USO1: variants seen among roughly 807,000 people sequenced by gnomAD.
USO1 encodes USO1 vesicle transport factor.
Under a neutral mutation model 124.5 loss-of-function variants are expected in USO1, and 57 were observed. The observed-to-expected ratio is 0.46, with a 90% CI of 0.37 to 0.57. The LOEUF (loss-of-function observed/expected upper bound fraction) is 0.57, where lower values mean the gene tolerates loss of function less well. Ranked by LOEUF, USO1 falls within the 20% of genes least tolerant of loss-of-function variation. The probability of loss-of-function intolerance (pLI) is 0.00; values close to 1 mark genes in which losing one functional copy is unlikely to be tolerated. For synonymous variants in USO1, 369 were observed against 362.8 expected (o/e 1.02, Z -0.19); for missense variants, 900 against 1,040.6 (o/e 0.86, Z 1.86).
chr4:75,742,241 A>G (rs973305074), intron 1 of USO1, among the ~76,000 whole-genome samples: 1 of 152,198 alleles, frequency 6.6e-6, no homozygotes, highest in Non-Finnish European at 1.5e-5. Flanking sequence ...TCTGTGCCAT[A>G]CTTTCATAAG....
intron 1 of USO1, among the ~76,000 whole-genome samples, chr4:75,737,209 TC>T (rs1720817258): frequency 6.6e-6 from 1 of 152,226 alleles, no homozygotes; most frequent in Non-Finnish European, 1.5e-5. Context: ...TGCCTCTGTT[TC>T]CTCATCTCTA....
rs528718016 is a variant in USO1, at chr4:75,770,324, TC to T, written c.296-113del. On this transcript the variant is annotated intron_variant, in intron 4 of 23. Transcript: ENST00000514213. ...GTGATATTGCTACCAGCCACACTGT[TC>T]CAGTGTTGAATTGTTTACCAGGAAA... The T allele has an allele frequency of 5.9e-4, 540 of 917,316 alleles. 4 individuals are homozygous for T. The highest frequency in any genetic ancestry group is 5.0e-3 in the Middle Eastern group (14 of 2,798). The allele number at this position is 917,316 out of a possible 1,614,324, so 56.8% of individuals were successfully genotyped here. A position where few individuals can be genotyped will look rare whatever the true frequency, so the allele number is the denominator to read the frequency against.
At chr4:75,793,346 G>A (rs1289686226) in intron 12 of USO1, among the ~76,000 whole-genome samples, 1 of 151,634 alleles carries the variant, frequency 6.6e-6, no homozygotes, top group Non-Finnish European at 1.5e-5. Context: ...GAGTAGCTGG[G>A]ACTGCAGGCA....
chr4:75,729,779 G>T, intron 1 of USO1: 1 of 160,402 alleles, frequency 6.2e-6, no homozygotes, highest in South Asian at 1.5e-4. Flanking sequence ...TCCAGAAAAA[G>T]CATACAGAAT....
At chr4:75,792,430 G>A (rs536445543) in intron 12 of USO1, among the ~76,000 whole-genome samples, 77 of 152,302 alleles carry the variant, frequency 5.1e-4, no homozygotes, top group African/African-American at 1.8e-3. Flanking sequence ...CCAGCTATGG[G>A]GGAGACTGAG....
At chr4:75,795,504 T>C (rs2149185219) in intron 13 of USO1, 2 of 633,320 alleles carry the variant, frequency 3.2e-6, no homozygotes, top group East Asian at 5.5e-5. Context: ...TTTATTTCTA[T>C]TGTAAATGGC....
intron 8 of USO1, 93 bp from the exon 9 acceptor site, chr4:75,782,587 C>G: frequency 2.8e-6 from 4 of 1,438,316 alleles, no homozygotes; most frequent in Non-Finnish European, 3.7e-6. Context: ...TGAAGAGATG[C>G]TGAGCATGGA....
At chr4:75,769,795 A>C (rs553274993) in intron 4 of USO1, among the ~76,000 whole-genome samples, 1 of 151,430 alleles carries the variant, frequency 6.6e-6, no homozygotes, top group East Asian at 1.9e-4. Flanking sequence ...TAATTAAAAG[A>C]CATTTAAACA....
At chr4:75,757,405 G>A (rs1412672661) in intron 3 of USO1, 92 bp from the exon 4 acceptor site, 3 of 1,202,536 alleles carry the variant, frequency 2.5e-6, no homozygotes, top group Non-Finnish European at 3.3e-6. Context: ...TTTAGAAATG[G>A]AATTTTCTAA....
At chr4:75,797,051 C>G (rs1200276711) in intron 13 of USO1, among the ~76,000 whole-genome samples, 2 of 151,836 alleles carry the variant, frequency 1.3e-5, no homozygotes, top group African/African-American at 4.8e-5. Context: ...TAGCTCACAC[C>G]TATATGTTAA....
chr4:75,796,313 T>C (rs1207846486), intron 13 of USO1, among the ~76,000 whole-genome samples: 1 of 111,926 alleles, frequency 8.9e-6, no homozygotes, highest in East Asian at 3.7e-4. Flanking sequence ...TAGAACGTTT[T>C]CATAATCCCA....
intron 1 of USO1, among the ~76,000 whole-genome samples, chr4:75,748,723 G>A (rs1305046480): frequency 3.3e-5 from 5 of 152,002 alleles, no homozygotes; most frequent in Non-Finnish European, 5.9e-5. Flanking sequence ...AGTACTTGAG[G>A]TCTAAGACTA....
At chr4:75,786,922 C>T (rs1722377801) in intron 9 of USO1, 140 bp from the exon 10 acceptor site, 3 of 1,030,358 alleles carry the variant, frequency 2.9e-6, no homozygotes, top group Non-Finnish European at 3.9e-6. Context: ...GCCATGGGAG[C>T]ACGAAAGAAA....
Position 75,782,762 on chromosome 4 carries a change from C to T in USO1, c.759C>T (p.Gly253=), listed in dbSNP as rs1490344497. 2 of 1,593,828 alleles carry T rather than the reference C, an allele frequency of 1.3e-6. No individual in the cohort carries two copies. The highest frequency in any genetic ancestry group is 1.7e-6 in the Non-Finnish European group (2 of 1,171,944). The part of the protein sequence containing the change: ...NNSNQNFFKE[G]SYIQRMKPWF... ...CCAATCAAAATTTTTTTAAAGAAGG[C>T]TCATATATTCAACGTATGAAACCTT... The change falls in exon 9 of 24, where the codon GGC becomes GGT. Residue 253 remains glycine, a synonymous_variant. Transcript: ENST00000514213.
intron 8 of USO1, among the ~76,000 whole-genome samples, chr4:75,775,189 T>G (rs990785019): frequency 2.6e-5 from 4 of 152,166 alleles, no homozygotes; most frequent in Non-Finnish European, 4.4e-5. Flanking sequence ...TTAGAAATAG[T>G]CTTTTGGAGA....
intron 22 of USO1, among the ~76,000 whole-genome samples, chr4:75,811,739 T>C (rs931031680): frequency 2.6e-5 from 4 of 152,326 alleles, no homozygotes; most frequent in Middle Eastern, 6.8e-3. Context: ...TTGAAGCTAT[T>C]TTCATTTAAT....
intron 7 of USO1, among the ~76,000 whole-genome samples, chr4:75,773,519 C>T (rs559380149): frequency 6.6e-6 from 1 of 152,058 alleles, no homozygotes; most frequent in African/African-American, 2.4e-5. Flanking sequence ...AGTAGGGCAA[C>T]CAATTTTTTA....
At chr4:75,771,052 C>T (rs1017627611) in intron 6 of USO1, 30 bp from the exon 7 acceptor site, 3 of 1,598,822 alleles carry the variant, frequency 1.9e-6, no homozygotes, top group African/African-American at 2.7e-5. Context: ...TTTGGTCTGC[C>T]AGCATTTTTC....
At chr4:75,724,965 A>C (rs1577915188) in intron 1 of USO1, 80 bp downstream of exon 1, 1 of 1,499,556 alleles carries the variant, frequency 6.7e-7, no homozygotes. Context: ...CCCGAAGGTC[A>C]CCTCCAGCGT....
Sources: gnomAD v4.1 joint callset for allele counts (sites outside exome capture counted in the v4.1 genomes callset) on GRCh38, gnomAD v4.1.1 for gene constraint, MANE v1.5 for transcripts, NCBI Gene and HGNC (gene_info 2026-07-23, HGNC 2026-07-21) for gene names.